The following RNF13 variants were observed in gnomAD, a reference collection of about 807,000 sequenced individuals.
RNF13 encodes E3 ubiquitin-protein ligase RNF13.
Under a neutral mutation model 37.7 loss-of-function variants are expected in RNF13, and 19 were observed. The ratio of observed to expected loss-of-function variants is 0.50; its 90% confidence interval spans 0.35 to 0.74. RNF13 has a LOEUF of 0.74. Ranked by LOEUF, RNF13 falls within the 30% of genes least tolerant of loss-of-function variation. The pLI, the probability that RNF13 is intolerant of heterozygous loss-of-function variation, is 0.01. For synonymous variants in RNF13, 144 were observed against 157.8 expected, an observed-to-expected ratio of 0.91 and a Z score of 0.65; for missense variants, 375 against 453.0, an observed-to-expected ratio of 0.83 and a Z score of 1.56.
At chr3:149,856,809 T>C (rs9835118) in intron 3 of RNF13, among the ~76,000 whole-genome samples, 137,225 of 152,198 alleles carry the variant, frequency 0.9, 61,960 homozygotes, top group African/African-American at 0.94. Context: ...TGCAGTGGTG[T>C]GATCCCGGCT....
chr3:149,907,335 A>C (rs1350748048), intron 6 of RNF13, among the ~76,000 whole-genome samples: 1 of 152,240 alleles, frequency 6.6e-6, no homozygotes, highest in African/African-American at 2.4e-5. Flanking sequence ...CTTTAGTAAG[A>C]AAGCTTCTCG....
At chr3:149,884,760 G>A (rs1462893378) in intron 4 of RNF13, among the ~76,000 whole-genome samples, 1 of 151,740 alleles carries the variant, frequency 6.6e-6, no homozygotes, top group Non-Finnish European at 1.5e-5. Context: ...ATACAATTCA[G>A]TTTTACTTTT....
At chr3:149,863,402 T>G (rs1724478813) in intron 3 of RNF13, among the ~76,000 whole-genome samples, 1 of 152,184 alleles carries the variant, frequency 6.6e-6, no homozygotes, top group African/African-American at 2.4e-5. Flanking sequence ...TTTTTTAAGA[T>G]GGAGACTCGC....
intron 1 of RNF13, among the ~76,000 whole-genome samples, chr3:149,833,117 TC>T (rs1187849997): frequency 5.2e-5 from 3 of 58,090 alleles, no homozygotes; most frequent in East Asian, 6.4e-4. Context: ...TCTCTCTCTC[TC>T]TTTTTTTTTT....
At chr3:149,911,706 G>GGATA (rs1425853435) in intron 6 of RNF13, among the ~76,000 whole-genome samples, 4 of 151,640 alleles carry the variant, frequency 2.6e-5, no homozygotes, top group African/African-American at 9.7e-5. Context: ...CATATCTCCA[G>GGATA]GATAGACACA....
At chr3:149,873,257 C>T (rs1227680929) in intron 4 of RNF13, among the ~76,000 whole-genome samples, 2 of 152,168 alleles carry the variant, frequency 1.3e-5, no homozygotes, top group Non-Finnish European at 1.5e-5. Context: ...TTTCTGGACT[C>T]GGTACAGTCT....
intron 6 of RNF13, among the ~76,000 whole-genome samples, chr3:149,903,185 A>C (rs1228653516): frequency 6.6e-6 from 1 of 152,086 alleles, no homozygotes; most frequent in African/African-American, 2.4e-5. Context: ...TAAGTTAAGG[A>C]ATGTAATTTT....
At chr3:149,931,809 T>C (rs1437161772) in intron 8 of RNF13, among the ~76,000 whole-genome samples, 2 of 152,186 alleles carry the variant, frequency 1.3e-5, no homozygotes, top group Admixed American at 1.3e-4. Flanking sequence ...CTAACTGTTT[T>C]TGTAGCCAGT....
chr3:149,861,782 G>A (rs1724280538), intron 3 of RNF13, among the ~76,000 whole-genome samples: 3 of 152,118 alleles, frequency 2.0e-5, no homozygotes, highest in African/African-American at 7.2e-5. Flanking sequence ...CTGGAAGACA[G>A]AACTTGAAAT....
At chr3:149,941,846 T>C (rs1720312829) in intron 8 of RNF13, among the ~76,000 whole-genome samples, 1 of 151,656 alleles carries the variant, frequency 6.6e-6, no homozygotes, top group Non-Finnish European at 1.5e-5. Flanking sequence ...TTTAATCCCT[T>C]TTGAGTTAAT....
At chr3:149,828,949 C>T (rs1720765263) in intron 1 of RNF13, among the ~76,000 whole-genome samples, 2 of 152,058 alleles carry the variant, frequency 1.3e-5, no homozygotes, top group Non-Finnish European at 2.9e-5. Flanking sequence ...ATGTATTTTC[C>T]ATTTATAAGA....
chr3:149,949,312 A>C (rs1721078468), intron 8 of RNF13, among the ~76,000 whole-genome samples: 3 of 152,082 alleles, frequency 2.0e-5, no homozygotes, highest in Admixed American at 6.5e-5. Context: ...TGCTAAACAT[A>C]GCATTCTTGA....
intron 5 of RNF13, among the ~76,000 whole-genome samples, chr3:149,900,245 T>C (rs1715679333): frequency 6.6e-6 from 1 of 152,214 alleles, no homozygotes; most frequent in African/African-American, 2.4e-5. Flanking sequence ...CCAAAAGTTA[T>C]TCCTTGAGTT....
At chr3:149,819,866 GTATT>G (rs1312274301) in intron 1 of RNF13, among the ~76,000 whole-genome samples, 2 of 152,132 alleles carry the variant, frequency 1.3e-5, no homozygotes, top group African/African-American at 4.8e-5. Flanking sequence ...CCTGAGGAAG[GTATT>G]TGTTATTTCT....
chr3:149,866,322 CA>C (rs1724816988), intron 3 of RNF13, among the ~76,000 whole-genome samples: 1 of 152,200 alleles, frequency 6.6e-6, no homozygotes, highest in Admixed American at 6.5e-5. Context: ...ATATGCTAAA[CA>C]AGGGGTAGAT....
intron 4 of RNF13, among the ~76,000 whole-genome samples, chr3:149,875,340 G>A (rs1439182753): frequency 6.6e-6 from 1 of 152,060 alleles, no homozygotes; most frequent in Non-Finnish European, 1.5e-5. Flanking sequence ...AAAATTTATC[G>A]AGTTATTCCA....
intron 8 of RNF13, among the ~76,000 whole-genome samples, chr3:149,925,687 C>T (rs148997241): frequency 6.6e-6 from 1 of 151,744 alleles, no homozygotes; most frequent in Non-Finnish European, 1.5e-5. Context: ...GTACATATAT[C>T]CTGGTGCATA....
chr3:149,836,879 A>C, intron 1 of RNF13, among the ~76,000 whole-genome samples: 1 of 152,214 alleles, frequency 6.6e-6, no homozygotes, highest in East Asian at 1.9e-4. Flanking sequence ...TAAGTGAAAT[A>C]AGCTAGTCAC....
intron 4 of RNF13, among the ~76,000 whole-genome samples, chr3:149,889,653 A>ATTTT (rs945001092): frequency 1.6e-5 from 2 of 126,262 alleles, no homozygotes; most frequent in Non-Finnish European, 3.4e-5. Flanking sequence ...AAATCTGACA[A>ATTTT]TTTTTTTTTT....
Sources: allele counts gnomAD v4.1 joint callset (sites outside exome capture counted in the v4.1 genomes callset), GRCh38; gene constraint gnomAD v4.1.1; transcripts MANE v1.5; gene names NCBI Gene and HGNC (gene_info 2026-07-23, HGNC 2026-07-21).